ATXN7L1: variants seen among roughly 807,000 people sequenced by gnomAD.
ATXN7L1 encodes the protein ataxin-7-like protein 1.
In ATXN7L1, 15 loss-of-function variants were observed where a neutral mutation model predicts 70.8. The observed-to-expected ratio is 0.21, with a 90% CI of 0.14 to 0.33. The LOEUF is 0.33. ATXN7L1 is among the 10% of genes least tolerant of loss of function. The pLI is 1.00. For synonymous variants in ATXN7L1, 440 were observed against 445.1 expected (o/e 0.99, Z 0.14); for missense variants, 975 against 1,097.1 (o/e 0.89, Z 1.57).
At chr7:105,851,980 C>T (rs1445162474) in intron 2 of ATXN7L1, among the ~76,000 whole-genome samples, 3 of 152,176 alleles carry the variant, frequency 2.0e-5, no homozygotes, top group Non-Finnish European at 4.4e-5. Context: ...CTCCTCCTTC[C>T]ACCACCATCT....
chr7:105,670,010 T>C (rs1338445650), intron 3 of ATXN7L1, among the ~76,000 whole-genome samples: 1 of 152,014 alleles, frequency 6.6e-6, no homozygotes, highest in African/African-American at 2.4e-5. Flanking sequence ...GCTAGGCTTT[T>C]GAAAATGGGT....
At chr7:105,836,821 G>A (rs1263319833) in intron 2 of ATXN7L1, among the ~76,000 whole-genome samples, 1 of 152,172 alleles carries the variant, frequency 6.6e-6, no homozygotes, top group Non-Finnish European at 1.5e-5. Flanking sequence ...AGCACTTTTG[G>A]GAGGCTGAGA....
chr7:105,733,523 C>A lies in ATXN7L1; in HGVS notation c.355+55081G>T, dbSNP rs1370587630. 8.7e-5 allele frequency among the ~76,000 whole-genome samples: 11 copies of A among 126,044 alleles called. 1 individual carries two copies. Among genetic ancestry groups the A allele is most frequent in the Non-Finnish European group, 1.3e-4 (8 of 60,000 alleles). 82.7% of individuals were successfully genotyped at this position (126,044 alleles called of 152,430 possible). On this transcript the variant is annotated intron_variant, in intron 3 of 11. Transcript: ENST00000419735. Reference sequence around the variant, plus strand: ...CCATCCTTCCATCCATCCACCCATCCATCCATCCATCCATCCACCCATCCA... The same window carrying A: ...CCATCCTTCCATCCATCCACCCATCAATCCATCCATCCATCCACCCATCCA...
intron 3 of ATXN7L1, among the ~76,000 whole-genome samples, chr7:105,674,126 TAG>T (rs1256059769): frequency 6.6e-6 from 1 of 152,210 alleles, no homozygotes; most frequent in East Asian, 1.9e-4. Context: ...AAGGTTATGC[TAG>T]GTCTTCTTTA....
intron 3 of ATXN7L1, among the ~76,000 whole-genome samples, chr7:105,670,304 T>G (rs1477208945): frequency 3.3e-5 from 5 of 152,186 alleles, no homozygotes; most frequent in Non-Finnish European, 1.5e-5. Flanking sequence ...TCTTTCTATG[T>G]TTTGATTAAG....
chr7:105,782,367 T>G (rs978092699), intron 3 of ATXN7L1, among the ~76,000 whole-genome samples: 5 of 152,184 alleles, frequency 3.3e-5, no homozygotes, highest in African/African-American at 1.2e-4. Flanking sequence ...AACAAACTAA[T>G]CCCTTGAAAT....
At chr7:105,688,709 AG>A (rs1378398684) in intron 3 of ATXN7L1, among the ~76,000 whole-genome samples, 2 of 152,238 alleles carry the variant, frequency 1.3e-5, no homozygotes, top group Non-Finnish European at 2.9e-5. Flanking sequence ...ACCCATGGTC[AG>A]TAACAGCAAG....
intron 3 of ATXN7L1, among the ~76,000 whole-genome samples, chr7:105,767,065 A>G (rs987372768): frequency 6.6e-6 from 1 of 152,152 alleles, no homozygotes; most frequent in Admixed American, 6.5e-5. Context: ...GATGACAGGG[A>G]TTTTTCCCGT....
chr7:105,847,809 T>C (rs1443163847), intron 2 of ATXN7L1, among the ~76,000 whole-genome samples: 1 of 152,232 alleles, frequency 6.6e-6, no homozygotes, highest in Non-Finnish European at 1.5e-5. Flanking sequence ...TAAATGGTAG[T>C]TTTTATTATT....
chr7:105,762,438 ATAGGTGGCTTTGCTTTTG>A (rs1800672854), intron 3 of ATXN7L1, among the ~76,000 whole-genome samples: 1 of 152,172 alleles, frequency 6.6e-6, no homozygotes, highest in East Asian at 1.9e-4. Flanking sequence ...CTTGGGACTC[ATAGGTGGCTTTGCTTTTG>A]TAAGCAAAGT....
chr7:105,625,084 G>C (rs1795503463), intron 7 of ATXN7L1, among the ~76,000 whole-genome samples: 1 of 152,096 alleles, frequency 6.6e-6, no homozygotes, highest in South Asian at 2.1e-4. Flanking sequence ...TACGTTCTTT[G>C]ATACAAAGCT....
At chr7:105,615,197 G>C (rs1239914918) in intron 9 of ATXN7L1, among the ~76,000 whole-genome samples, 2 of 152,100 alleles carry the variant, frequency 1.3e-5, no homozygotes, top group African/African-American at 2.4e-5. Context: ...AATGAAGGTG[G>C]TTTTTAATGA....
Position 105,875,632 on chromosome 7 carries a change from C to CCG in ATXN7L1, c.250+179_250+180insCG, listed in dbSNP as rs776931925. ...CAACAGTCTCACCCCCCTTTACCCC[C>CCG]CCCCCAGTTGTATTTATACTTTGAA... On this transcript the variant is annotated intron_variant, in intron 2 of 11. Coordinates refer to ENST00000419735, the MANE Select transcript of ATXN7L1 (RefSeq NM_020725.2). 4.1e-5 allele frequency among the ~76,000 whole-genome samples: 5 copies of CCG among 123,214 alleles called. 1 individual carries two copies. The East Asian group carries it at 8.4e-4, about 21-fold the overall frequency. 80.8% of individuals were successfully genotyped at this position (123,214 alleles called of 152,430 possible).
chr7:105,812,285 C>G (rs560696811), intron 2 of ATXN7L1, among the ~76,000 whole-genome samples: 2 of 152,314 alleles, frequency 1.3e-5, no homozygotes, highest in African/African-American at 4.8e-5. Context: ...ACCGTATTAA[C>G]ACTAAGTTTG....
intron 7 of ATXN7L1, among the ~76,000 whole-genome samples, chr7:105,629,027 G>A (rs541452207): frequency 9.9e-5 from 15 of 151,826 alleles, no homozygotes; most frequent in African/African-American, 3.4e-4. Context: ...GGAGTGCAGT[G>A]GAGCAATCAC....
chr7:105,632,214 T>C (rs192142142), intron 7 of ATXN7L1, among the ~76,000 whole-genome samples: 96 of 151,906 alleles, frequency 6.3e-4, no homozygotes, highest in Non-Finnish European at 2.1e-4. Context: ...GAAACAAACC[T>C]GGAAAAAACT....
intron 3 of ATXN7L1, among the ~76,000 whole-genome samples, chr7:105,745,823 G>T (rs574485869): frequency 5.9e-5 from 9 of 152,286 alleles, no homozygotes; most frequent in African/African-American, 1.7e-4. Flanking sequence ...TGTTCCCAGG[G>T]CTCTAGGTAA....
chr7:105,657,702 C>CAAAAAAAAAAAA (rs71155465), intron 4 of ATXN7L1, among the ~76,000 whole-genome samples: 7 of 26,110 alleles, frequency 2.7e-4, no homozygotes, highest in African/African-American at 3.4e-4. Flanking sequence ...GACCCTGTCT[C>CAAAAAAAAAAAA]AAAAAAAAAA....
chr7:105,789,022 G>A (rs533075236), intron 2 of ATXN7L1, among the ~76,000 whole-genome samples: 2 of 152,192 alleles, frequency 1.3e-5, no homozygotes, highest in Non-Finnish European at 2.9e-5. Context: ...GAACCCACAT[G>A]TTAGCTGGGA....
Sources: allele counts gnomAD v4.1 joint callset (sites outside exome capture counted in the v4.1 genomes callset), GRCh38; gene constraint gnomAD v4.1.1; transcripts MANE v1.5; gene names NCBI Gene and HGNC (gene_info 2026-07-23, HGNC 2026-07-21).